Variants in TTC39A observed in about 807,000 individuals in gnomAD.
TTC39A encodes tetratricopeptide repeat domain 39A.
TTC39A carries 46 observed loss-of-function variants against 82.3 expected under a neutral mutation model. That is an observed-to-expected ratio of 0.56 (90% confidence interval 0.44 to 0.71). The LOEUF (loss-of-function observed/expected upper bound fraction) is 0.71. Ranked by LOEUF, TTC39A falls within the 30% of genes least tolerant of loss-of-function variation. The pLI is 0.00. For missense variants in TTC39A, 543 were observed against 712.9 expected (o/e 0.76, Z 2.71); for synonymous variants, 254 against 275.2 (o/e 0.92, Z 0.76).
At chr1:51,337,547 C>G (rs907684469) in intron 1 of TTC39A, among the ~76,000 whole-genome samples, 4 of 151,804 alleles carry the variant, frequency 2.6e-5, no homozygotes, top group Non-Finnish European at 5.9e-5. Context: ...CTGCCTCAGC[C>G]TCCCAAGTAG....
intron 7 of TTC39A, among the ~76,000 whole-genome samples, 151 bp from the exon 8 acceptor site, chr1:51,305,297 A>C (rs1644828593): frequency 6.6e-6 from 1 of 152,100 alleles, no homozygotes; most frequent in Admixed American, 6.5e-5. Flanking sequence ...ATGTTTTCCA[A>C]AGCTCGGGCA....
At chr1:51,311,097 G>C (rs1387594366) in intron 5 of TTC39A, among the ~76,000 whole-genome samples, 157 bp downstream of exon 5, 1 of 152,240 alleles carries the variant, frequency 6.6e-6, no homozygotes, top group Non-Finnish European at 1.5e-5. Context: ...GCCCCGCCAG[G>C]GGCAGGAGTG....
rs576488459 is a variant in TTC39A at position 51,288,271 on chromosome 1, G to A, written c.1620C>T (p.Tyr540=). The change falls in exon 18 of 18, where the codon TAC becomes TAT. Residue 540 remains tyrosine (Y), a synonymous_variant. Coordinates refer to ENST00000680483, the MANE Select transcript of TTC39A (RefSeq NM_001297663.2). The surrounding 1 kb of genome is among the most constrained non-coding windows in gnomAD (Gnocchi z 4.8). Reference sequence around the variant, plus strand: ...TCCTTGACTCCATGGAGTAATTCTTGTAGTTTTGCCTGGAATTGAGCAGCG... The same window carrying A: ...TCCTTGACTCCATGGAGTAATTCTTATAGTTTTGCCTGGAATTGAGCAGCG... The part of the protein sequence containing the change: ...IKLLESAKQN[Y]KNYSMESRTH... 5.0e-6 allele frequency: 8 copies of A among 1,613,996 alleles called. No individual in the cohort carries two copies. In the South Asian group the frequency reaches 7.7e-5, roughly 16 times the overall value.
intron 2 of TTC39A, among the ~76,000 whole-genome samples, chr1:51,315,652 C>T (rs1253167850): frequency 6.6e-6 from 1 of 152,234 alleles, no homozygotes; most frequent in Non-Finnish European, 1.5e-5. Flanking sequence ...CCCCAGTCCG[C>T]TGTCCATCAC....
chr1:51,303,327 G>T, intron 8 of TTC39A, 135 bp from the exon 9 acceptor site: 2 of 711,534 alleles, frequency 2.8e-6, no homozygotes, highest in South Asian at 1.9e-5. Flanking sequence ...TCAGCTGTGT[G>T]GCCCTGAGCA....
intron 1 of TTC39A, among the ~76,000 whole-genome samples, chr1:51,343,780 A>T (rs1646064824): frequency 6.6e-6 from 1 of 152,186 alleles, no homozygotes; most frequent in Non-Finnish European, 1.5e-5. Flanking sequence ...TATTTTCTTT[A>T]ATGTTTTTTC....
At chr1:51,324,083 T>C (rs1433132493) in intron 1 of TTC39A, among the ~76,000 whole-genome samples, 1 of 152,230 alleles carries the variant, frequency 6.6e-6, no homozygotes, top group African/African-American at 2.4e-5. Context: ...AAGTTTATGG[T>C]TTCCAGGACC....
intron 8 of TTC39A, among the ~76,000 whole-genome samples, chr1:51,304,051 T>C (rs1644781005): frequency 6.6e-6 from 1 of 152,186 alleles, no homozygotes; most frequent in Middle Eastern, 3.2e-3. Context: ...TTTCTATCCT[T>C]TGGTGGTGCC....
chr1:51,289,366 C>T (rs1644114783), intron 16 of TTC39A, among the ~76,000 whole-genome samples: 1 of 152,072 alleles, frequency 6.6e-6, no homozygotes, highest in African/African-American at 2.4e-5. Context: ...ACATCCAGGC[C>T]CTTCTCATTC....
intron 8 of TTC39A, 145 bp downstream of exon 8, chr1:51,304,936 T>A (rs2148191859): frequency 1.3e-6 from 1 of 761,210 alleles, no homozygotes; most frequent in South Asian, 1.7e-5. Flanking sequence ...CCCAGGGAGG[T>A]CTGGGCATTG....
intron 13 of TTC39A, 147 bp downstream of exon 13, chr1:51,295,931 CA>C (rs1644399909): frequency 6.5e-6 from 5 of 770,362 alleles, no homozygotes; most frequent in Non-Finnish European, 8.7e-6. Flanking sequence ...GGAGGACACG[CA>C]GGGGGGGCAG....
intron 1 of TTC39A, among the ~76,000 whole-genome samples, chr1:51,322,844 C>T (rs918039788): frequency 2.0e-5 from 3 of 152,202 alleles, no homozygotes; most frequent in African/African-American, 7.2e-5. Context: ...GAAATTCCCT[C>T]TCCACCAGGT....
chr1:51,302,170 CCCTT>C (rs2148176123), intron 11 of TTC39A, 183 bp downstream of exon 11: 1 of 781,830 alleles, frequency 1.3e-6, no homozygotes, highest in African/African-American at 1.7e-5. Context: ...GCCTCCTCCT[CCCTT>C]GTCTTCCCAG....
chr1:51,305,794 A>G (rs1644845347), intron 7 of TTC39A, among the ~76,000 whole-genome samples, 183 bp downstream of exon 7: 1 of 152,004 alleles, frequency 6.6e-6, no homozygotes. Context: ...TCCAGCGCCC[A>G]CACCACCCCC....
chr1:51,324,941 T>C (rs1248822760), intron 1 of TTC39A, among the ~76,000 whole-genome samples: 2 of 152,144 alleles, frequency 1.3e-5, no homozygotes, highest in Non-Finnish European at 2.9e-5. Flanking sequence ...TCTCCCATAA[T>C]TGCCAAAGAT....
In TTC39A at chr1:51,345,015, G is replaced by A. The variant is rs578133953; in HGVS notation, c.29C>T (p.Ala10Val). Residue 10 changes from alanine (A) to valine (V), a missense_variant, in exon 1 of 6, where the codon GCG (alanine) becomes GTG (valine). Ala to Val is a moderately conservative substitution (Grantham distance 64). Coordinates refer to the TTC39A transcript ENST00000401051. The stretch of plus-strand genomic sequence containing the variant: ...CCTGCGGTCGCTTTTCCCGGAGGCC[G>A]CCTCCTTCCAGGTGGTCAGAAAGGC... 5,056 of 1,521,278 alleles carry A rather than the reference G, an allele frequency of 3.3e-3. 21 individuals carry two copies. The highest frequency in any genetic ancestry group is 4.1e-3 in the Non-Finnish European group (4,637 of 1,134,290). 94.2% of individuals were successfully genotyped at this position (1,521,278 alleles called of 1,614,324 possible). A position where few individuals can be genotyped will look rare whatever the true frequency, so the allele number is the denominator to read the frequency against.
At chr1:51,302,240 GCCCCCCCCCC>G in intron 11 of TTC39A, 107 bp downstream of exon 11, 7 of 623,686 alleles carry the variant, frequency 1.1e-5, no homozygotes, top group East Asian at 6.7e-5. Flanking sequence ...TTCTCTCTTG[GCCCCCCCCCC>G]GCCCCCAGTC....
intron 2 of TTC39A, among the ~76,000 whole-genome samples, chr1:51,317,210 A>G (rs1042673236): frequency 5.9e-5 from 9 of 152,242 alleles, no homozygotes; most frequent in African/African-American, 1.9e-4. Flanking sequence ...CAATGTGTGC[A>G]GCGAAGAACA....
chr1:51,318,387 G>A (rs1645373262), intron 2 of TTC39A, among the ~76,000 whole-genome samples: 1 of 152,190 alleles, frequency 6.6e-6, no homozygotes, highest in African/African-American at 2.4e-5. Flanking sequence ...CTCAGGCCAT[G>A]GTCATGCTCT....
Sources: allele counts gnomAD v4.1 joint callset (sites outside exome capture counted in the v4.1 genomes callset), GRCh38; gene constraint gnomAD v4.1.1; non-coding constraint Gnocchi (gnomAD v3.1); transcripts MANE v1.5; gene names NCBI Gene and HGNC (gene_info 2026-07-23, HGNC 2026-07-21).